Variants in KCNQ3 observed in about 807,000 individuals in gnomAD.
KCNQ3 encodes the protein potassium voltage-gated channel subfamily Q member 3.
In KCNQ3, 30 loss-of-function variants were observed where a neutral mutation model predicts 92.5. The ratio of observed to expected loss-of-function variants is 0.32; its 90% CI spans 0.24 to 0.44. KCNQ3 has a LOEUF of 0.44. Ranked by LOEUF, KCNQ3 falls within the 20% of genes least tolerant of loss-of-function variation. The pLI is 1.00. For missense variants in KCNQ3, 913 were observed against 1,140.3 expected, an observed-to-expected ratio of 0.80 and a Z score of 2.87; for synonymous variants, 450 against 468.8, an observed-to-expected ratio of 0.96 and a Z score of 0.52.
chr8:132,242,350 C>T (rs1282078981), intron 1 of KCNQ3, among the ~76,000 whole-genome samples: 1 of 152,098 alleles, frequency 6.6e-6, no homozygotes, highest in African/African-American at 2.4e-5. Flanking sequence ...ATCCAGGGAC[C>T]ACTTGTGATG....
At chr8:132,145,571 C>T (rs544890333) in intron 9 of KCNQ3, among the ~76,000 whole-genome samples, 2 of 152,360 alleles carry the variant, frequency 1.3e-5, no homozygotes, top group East Asian at 3.9e-4. Flanking sequence ...AACTTGTTAA[C>T]ATACATTGGT....
At chr8:132,400,170 T>C (rs533533595) in intron 1 of KCNQ3, among the ~76,000 whole-genome samples, 1 of 152,344 alleles carries the variant, frequency 6.6e-6, no homozygotes, top group African/African-American at 2.4e-5. Flanking sequence ...ATTCCATTCA[T>C]GTGTTAAATG....
intron 1 of KCNQ3, among the ~76,000 whole-genome samples, chr8:132,241,853 A>C (rs1343457447): frequency 6.6e-6 from 1 of 152,116 alleles, no homozygotes. Flanking sequence ...AACAAAACAA[A>C]ACAAAACAAA....
intron 9 of KCNQ3, among the ~76,000 whole-genome samples, chr8:132,152,745 G>T (rs531661723): frequency 5.9e-5 from 9 of 152,236 alleles, no homozygotes; most frequent in African/African-American, 1.4e-4. Context: ...TTTATCTTGG[G>T]ACCTTAAGAG....
chr8:132,131,151 G>A (rs1392027729), intron 14 of KCNQ3, among the ~76,000 whole-genome samples: 1 of 152,096 alleles, frequency 6.6e-6, no homozygotes, highest in Non-Finnish European at 1.5e-5. Context: ...GAAATAGAGT[G>A]GAAATTATAA....
chr8:132,421,897 G>T (rs956886196), intron 1 of KCNQ3, among the ~76,000 whole-genome samples: 8 of 152,162 alleles, frequency 5.3e-5, no homozygotes, highest in African/African-American at 1.9e-4. Context: ...GATGGGCCAG[G>T]TTCAAATCCT....
intron 1 of KCNQ3, among the ~76,000 whole-genome samples, chr8:132,357,137 C>G (rs1039376040): frequency 6.6e-6 from 1 of 152,168 alleles, no homozygotes; most frequent in African/African-American, 2.4e-5. Context: ...CCAGAGAATA[C>G]CATGCTACTC....
At chr8:132,439,059 T>C (rs985437785) in intron 1 of KCNQ3, among the ~76,000 whole-genome samples, 1 of 151,042 alleles carries the variant, frequency 6.6e-6, no homozygotes. Context: ...CAAATACCCA[T>C]CCCACTTACG....
chr8:132,258,427 A>G (rs1045886207), intron 1 of KCNQ3, among the ~76,000 whole-genome samples: 3 of 152,142 alleles, frequency 2.0e-5, no homozygotes, highest in African/African-American at 7.2e-5. Flanking sequence ...GGAAATAAAA[A>G]TCACAAGGGA....
rs139144837 is a variant in KCNQ3, at chr8:132,221,997, T to C, written c.387-35816A>G. ...AACCTAGGCAATACCATTTAGGACA[T>C]AGGCATGGGCAAGGACTTCATGACT... On this transcript the variant is annotated intron_variant, in intron 1 of 14. Coordinates refer to ENST00000388996, the MANE Select transcript of KCNQ3 (RefSeq NM_004519.4). Among the ~76,000 whole-genome samples, 545 of 152,326 alleles carry C rather than the reference T, an allele frequency of 3.6e-3. 2 individuals carry two copies. The highest frequency in any genetic ancestry group is 0.013 in the African/African-American group (522 of 41,582).
At chr8:132,170,514 A>G (rs1826296238) in intron 7 of KCNQ3, 86 bp from the exon 8 acceptor site, 1 of 843,928 alleles carries the variant, frequency 1.2e-6, no homozygotes, top group East Asian at 2.4e-5. Flanking sequence ...ACAATGTTTA[A>G]GCCCTGGACT....
At chr8:132,251,873 A>G (rs1815423089) in intron 1 of KCNQ3, among the ~76,000 whole-genome samples, 1 of 152,244 alleles carries the variant, frequency 6.6e-6, no homozygotes, top group Non-Finnish European at 1.5e-5. Context: ...TATATGCCCC[A>G]CTATGATCTG....
chr8:132,480,542 C>G lies in KCNQ3; in HGVS notation c.-10G>C. On this transcript the variant is annotated 5_prime_UTR_variant, in exon 1 of 15. Transcript: ENST00000388996. ...GCGCCTTGAGCCCCATCTGCCTCGC[C>G]CCCGCCGGCCGCTTCGCCTTCTCCG... 1 of 1,252,854 alleles carries G rather than the reference C, an allele frequency of 8.0e-7. No individual in the cohort carries two copies. The highest frequency in any genetic ancestry group is 1.0e-6 in the Non-Finnish European group (1 of 977,860). 77.6% of individuals were successfully genotyped at this position (1,252,854 alleles called of 1,614,324 possible).
At position 132,234,338 on chromosome 8, in the gene KCNQ3, GTTTTTTTTTT is replaced by G. The variant is rs756218792; in HGVS notation, c.387-48167_387-48158del. On this transcript the variant is annotated intron_variant, in intron 1 of 14. Coordinates refer to ENST00000388996, the MANE Select transcript of KCNQ3 (RefSeq NM_004519.4). The stretch of plus-strand genomic sequence containing the variant: ...CTGTGCATAATTCTGTCCATGAAAA[GTTTTTTTTTT>G]TTTTTTTTTTTTTTTTTGGCAGGTG... 1.0e-3 allele frequency among the ~76,000 whole-genome samples: 89 copies of G among 85,654 alleles called. 1 individual carries two copies. The highest frequency in any genetic ancestry group is 1.4e-3 in the South Asian group (3 of 2,140). The allele number at this position is 85,654 out of a possible 152,430, so 56.2% of individuals were successfully genotyped here.
chr8:132,466,827 G>C (rs983699459), intron 1 of KCNQ3, among the ~76,000 whole-genome samples: 1 of 152,182 alleles, frequency 6.6e-6, no homozygotes, highest in African/African-American at 2.4e-5. Context: ...GACGTACACA[G>C]TGTATCAGTA....
chr8:132,230,583 A>G (rs1814614916), intron 1 of KCNQ3, among the ~76,000 whole-genome samples: 1 of 152,206 alleles, frequency 6.6e-6, no homozygotes, highest in African/African-American at 2.4e-5. Context: ...GTTTTGAAAG[A>G]TTTTACAGAC....
Position 132,140,094 on chromosome 8 carries a change from G to A in KCNQ3, c.1550C>T (p.Ala517Val), listed in dbSNP as rs373844113. ...PIEDMIPTLK[A>V]AIRAVRILQF... Reference sequence around the variant, plus strand: ...GCATTACCTGACGGCTCGGATGGCGGCCTTCAGGGTGGGGATCATGTCTTC... The same window carrying A: ...GCATTACCTGACGGCTCGGATGGCGACCTTCAGGGTGGGGATCATGTCTTC... Residue 517 changes from alanine (A) to valine (V), a missense_variant, in exon 11 of 15, where the codon GCC becomes GTC. Around this residue, in one of 6 missense-constraint regions of KCNQ3, gnomAD observed 182 missense variants for 234.5 expected, o/e 0.78. Transcript: ENST00000388996. 1.1e-5 allele frequency: 17 copies of A among 1,601,714 alleles called. No homozygotes were observed. The highest frequency in any genetic ancestry group is 1.4e-5 in the Non-Finnish European group (16 of 1,174,068).
intron 1 of KCNQ3, among the ~76,000 whole-genome samples, chr8:132,337,082 G>T (rs1264264016): frequency 6.6e-6 from 1 of 152,176 alleles, no homozygotes; most frequent in East Asian, 1.9e-4. Context: ...TTGTATAAAG[G>T]TCCCTTATTG....
chr8:132,451,005 C>A (rs1035519620), intron 1 of KCNQ3, among the ~76,000 whole-genome samples: 4 of 152,214 alleles, frequency 2.6e-5, no homozygotes, highest in African/African-American at 9.6e-5. Context: ...TTACTCATCG[C>A]TCAAGATCAG....
Sources: gnomAD v4.1 joint callset for allele counts (sites outside exome capture counted in the v4.1 genomes callset) on GRCh38, gnomAD v4.1.1 for gene constraint, gnomAD v4.1.1 regional missense constraint, MANE v1.5 for transcripts, NCBI Gene and HGNC (gene_info 2026-07-23, HGNC 2026-07-21) for gene names.